Variants in MGAM observed in about 807,000 individuals in gnomAD.
The protein encoded by MGAM is alpha-1,4-glucosidase.
Under a neutral mutation model 358.8 loss-of-function variants are expected in MGAM, and 253 were observed. That is an observed-to-expected ratio of 0.71 (90% CI 0.64 to 0.78). The LOEUF (loss-of-function observed/expected upper bound fraction) is 0.78, where lower values mean the gene tolerates loss of function less well. MGAM is among the 30% of genes least tolerant of loss of function. The pLI is 0.00. For missense variants in MGAM, 3,080 were observed against 3,432.6 expected, an observed-to-expected ratio of 0.90 and a Z score of 2.57; for synonymous variants, 1,105 against 1,227.1, an observed-to-expected ratio of 0.90 and a Z score of 2.08.
Position 142,105,925 on chromosome 7 carries a change from G to A in MGAM, c.*34G>A. On this transcript the variant is annotated 3_prime_UTR_variant, in exon 71 of 71. Coordinates refer to ENST00000475668, the MANE Select transcript of MGAM (RefSeq NM_001365693.1). ...AGCAAGATTCTAACTAACTATGAAT[G>A]ACTTTGAAACTACTTATACTTCATA... 6.6e-7 allele frequency: 1 copy of A among 1,506,810 alleles called. No homozygotes were observed. Among genetic ancestry groups the A allele is most frequent in the Non-Finnish European group, 9.2e-7 (1 of 1,083,288 alleles). The allele number at this position is 1,506,810 out of a possible 1,614,324, so 93.3% of individuals were successfully genotyped here.
At position 142,064,406 on chromosome 7, in the gene MGAM, C is replaced by T. The variant is rs1332366446; in HGVS notation, c.4368C>T (p.Gly1456=). ...CAGATTTGGAGTCCAGGGACAGGGGCCTGAGCAGCAAGACCCTTTGTATGG... is the reference window on the plus strand; with the variant it reads ...CAGATTTGGAGTCCAGGGACAGGGGTCTGAGCAGCAAGACCCTTTGTATGG... ...YMPHLESRDR[G]LSSKTLCMES... is the part of the protein sequence containing the mutation. Residue 1456 remains glycine (G), a synonymous_variant, in exon 37 of 71, where the codon GGC becomes GGT. Coordinates refer to ENST00000475668, the MANE Select transcript of MGAM (RefSeq NM_001365693.1). 14 of 1,608,400 alleles carry T rather than the reference C, an allele frequency of 8.7e-6. No homozygotes were observed. Among genetic ancestry groups the T allele is most frequent in the African/African-American group, 1.3e-5 (1 of 74,820 alleles).
chr7:142,067,941 T>TATATATATATTTATATATATAA (rs1812915223), intron 42 of MGAM, among the ~76,000 whole-genome samples: 1 of 37,482 alleles, frequency 2.7e-5, no homozygotes. Flanking sequence ...CTCAAATATA[T>TATATATATATTTATATATATAA]ATATATATAT....
Position 142,042,026 on chromosome 7 carries a change from T to A in MGAM, c.2498+1180T>A, listed in dbSNP as rs1294970242. ...ATATATATAATATAATATATATATA[T>A]TATATTATATACATATAATATATAA... is the stretch of plus-strand genomic sequence containing the variant. On this transcript the variant is annotated intron_variant, in intron 21 of 70. Coordinates refer to ENST00000475668, the MANE Select transcript of MGAM (RefSeq NM_001365693.1). 2.0e-3 allele frequency among the ~76,000 whole-genome samples: 45 copies of A among 22,092 alleles called. 5 individuals are homozygous for A. The highest frequency in any genetic ancestry group is 0.015 in the African/African-American group (45 of 3,014). 14.5% of individuals were successfully genotyped at this position (22,092 alleles called of 152,430 possible).
intron 68 of MGAM, among the ~76,000 whole-genome samples, chr7:142,101,975 A>G (rs1816485880): frequency 2.0e-5 from 3 of 152,000 alleles, no homozygotes; most frequent in Admixed American, 2.0e-4. Context: ...AGCACACAGG[A>G]AAGAGTGTGA....
chr7:141,990,444 T>G (rs1803898707), intron 2 of MGAM, among the ~76,000 whole-genome samples: 1 of 152,160 alleles, frequency 6.6e-6, no homozygotes, highest in Admixed American at 6.5e-5. Flanking sequence ...GTTTTGAATC[T>G]GTGTAGAAAT....
chr7:142,049,477 G>T (rs1171717826), intron 22 of MGAM, among the ~76,000 whole-genome samples: 1 of 152,100 alleles, frequency 6.6e-6, no homozygotes, highest in African/African-American at 2.4e-5. Flanking sequence ...AAAGGCTTCT[G>T]CACAGGAAAA....
At chr7:142,032,314 C>T (rs1394335918) in intron 13 of MGAM, among the ~76,000 whole-genome samples, 2 of 151,884 alleles carry the variant, frequency 1.3e-5, no homozygotes, top group African/African-American at 4.8e-5. Flanking sequence ...TTTTCTTTTT[C>T]TAAGAGAACT....
At chr7:142,099,770 G>T (rs367980333) in intron 67 of MGAM, 33 bp downstream of exon 67, 9 of 1,609,230 alleles carry the variant, frequency 5.6e-6, no homozygotes, top group South Asian at 3.3e-5. Context: ...TCCTTTACAT[G>T]TCAGTTAGCT....
At chr7:142,065,108 C>G (rs1812593543) in intron 37 of MGAM, among the ~76,000 whole-genome samples, 1 of 152,138 alleles carries the variant, frequency 6.6e-6, no homozygotes, top group Non-Finnish European at 1.5e-5. Context: ...TGGGAGTACT[C>G]CAGTGAGGCT....
At chr7:142,059,818 G>C (rs1186361667) in intron 32 of MGAM, 38 bp from the exon 33 acceptor site, 10 of 1,586,712 alleles carry the variant, frequency 6.3e-6, no homozygotes, top group Admixed American at 1.8e-5. Context: ...TCATTCTCTG[G>C]CTTTGGTTTT....
At chr7:142,050,138 TGTGACCTCAAG>T in intron 22 of MGAM, 86 bp from the exon 23 acceptor site, 1 of 1,151,562 alleles carries the variant, frequency 8.7e-7, no homozygotes, top group Non-Finnish European at 1.3e-6. Flanking sequence ...AACTGCTATG[TGTGACCTCAAG>T]GCATAGCTGA....
At chr7:142,082,360 T>G (rs1814386704) in intron 51 of MGAM, 115 bp from the exon 52 acceptor site, 1 of 1,279,052 alleles carries the variant, frequency 7.8e-7, no homozygotes, top group Non-Finnish European at 1.1e-6. Flanking sequence ...TTTCATGTGT[T>G]TAATTGATTT....
chr7:141,998,367 A>C (rs546838370), intron 1 of MGAM, among the ~76,000 whole-genome samples: 1 of 152,192 alleles, frequency 6.6e-6, no homozygotes, highest in African/African-American at 2.4e-5. Flanking sequence ...TTTAAGCCCC[A>C]CATGCATTAG....
At chr7:142,028,989 G>T (rs116038012) in intron 10 of MGAM, among the ~76,000 whole-genome samples, 2,504 of 152,222 alleles carry the variant, frequency 0.016, 66 homozygotes, top group African/African-American at 0.057. Context: ...GCTACAACGT[G>T]GTGAACTCTC....
At chr7:142,058,802 A>T (rs1811812551) in intron 31 of MGAM, among the ~76,000 whole-genome samples, 1 of 152,240 alleles carries the variant, frequency 6.6e-6, no homozygotes, top group African/African-American at 2.4e-5. Flanking sequence ...ATGGGTTTCC[A>T]GAGGACATAC....
intron 31 of MGAM, among the ~76,000 whole-genome samples, chr7:142,059,003 G>A (rs1811828423): frequency 6.6e-6 from 1 of 152,220 alleles, no homozygotes; most frequent in Non-Finnish European, 1.5e-5. Context: ...GAAGAATGTT[G>A]TGTATGATTA....
At chr7:142,051,562 G>A (rs1218857481) in intron 24 of MGAM, among the ~76,000 whole-genome samples, 1 of 152,138 alleles carries the variant, frequency 6.6e-6, no homozygotes, top group African/African-American at 2.4e-5. Flanking sequence ...TGAACTAATG[G>A]TATTCAAGGA....
intron 24 of MGAM, among the ~76,000 whole-genome samples, chr7:142,051,869 C>A (rs917312262): frequency 9.2e-5 from 14 of 151,958 alleles, no homozygotes; most frequent in Admixed American, 9.2e-4. Context: ...GCATGATAAC[C>A]AGGTCATATG....
chr7:142,105,723 G>T, intron 70 of MGAM, 91 bp from the exon 71 acceptor site: 2 of 922,470 alleles, frequency 2.2e-6, no homozygotes, highest in South Asian at 1.4e-5. Flanking sequence ...GTATTAGGGG[G>T]TTATTTGGAC....
Sources: allele counts gnomAD v4.1 joint callset (sites outside exome capture counted in the v4.1 genomes callset), GRCh38; gene constraint gnomAD v4.1.1; transcripts MANE v1.5; gene names NCBI Gene and HGNC (gene_info 2026-07-23, HGNC 2026-07-21).